The following CDKAL1 variants were observed in gnomAD, a reference collection of about 807,000 sequenced individuals.
CDKAL1 encodes threonylcarbamoyladenosine tRNA methylthiotransferase.
A neutral mutation model predicts 68.2 loss-of-function variants in CDKAL1; 32 were observed. The observed-to-expected ratio is 0.47, with a 90% CI of 0.35 to 0.63. The LOEUF (loss-of-function observed/expected upper bound fraction) is 0.63, where lower values mean the gene tolerates loss of function less well. Ranked by LOEUF, CDKAL1 falls within the 30% of genes least tolerant of loss-of-function variation. The pLI is 0.00. For missense variants in CDKAL1, 606 were observed against 696.7 expected, an observed-to-expected ratio of 0.87 and a Z score of 1.47; for synonymous variants, 234 against 244.3, an observed-to-expected ratio of 0.96 and a Z score of 0.39.
intron 10 of CDKAL1, among the ~76,000 whole-genome samples, chr6:20,956,922 A>T (rs574165435): frequency 6.8e-6 from 1 of 147,732 alleles, no homozygotes; most frequent in African/African-American, 2.5e-5. Flanking sequence ...GATGATTATG[A>T]TTTGCTATTT....
intron 10 of CDKAL1, among the ~76,000 whole-genome samples, chr6:20,960,834 T>G (rs1334803371): frequency 1.3e-5 from 2 of 152,370 alleles, no homozygotes; most frequent in South Asian, 4.1e-4. Flanking sequence ...GGATGCGTTA[T>G]GTTTATTTGC....
intron 8 of CDKAL1, chr6:20,799,671 A>G (rs1284468365): frequency 6.6e-6 from 1 of 152,152 alleles, no homozygotes; most frequent in Non-Finnish European, 1.5e-5. Context: ...TTGTATTGCT[A>G]CTGGAGGTAG....
At chr6:20,839,273 A>AT (rs1439710225) in intron 8 of CDKAL1, among the ~76,000 whole-genome samples, 1 of 152,124 alleles carries the variant, frequency 6.6e-6, no homozygotes, top group Non-Finnish European at 1.5e-5. Flanking sequence ...ATATAATGAG[A>AT]TTTTTATGAA....
chr6:20,994,550 C>G (rs1436878402), intron 10 of CDKAL1, among the ~76,000 whole-genome samples: 1 of 152,112 alleles, frequency 6.6e-6, no homozygotes. Context: ...AAATATAATC[C>G]ATGATGGGGC....
chr6:20,938,526 A>G (rs916222236), intron 9 of CDKAL1, among the ~76,000 whole-genome samples: 1 of 152,178 alleles, frequency 6.6e-6, no homozygotes, highest in African/African-American at 2.4e-5. Flanking sequence ...TGGTCTTCAA[A>G]TGATTCTCTA....
At chr6:20,683,426 G>A (rs1347225865) in intron 5 of CDKAL1, among the ~76,000 whole-genome samples, 1 of 152,158 alleles carries the variant, frequency 6.6e-6, no homozygotes, top group Non-Finnish European at 1.5e-5. Flanking sequence ...TGGTTTAAAA[G>A]TCTTGGCTTT....
At chr6:20,742,377 T>TAACTG (rs1773496289) in intron 6 of CDKAL1, among the ~76,000 whole-genome samples, 1 of 3,918 alleles carries the variant, frequency 2.6e-4, no homozygotes, top group African/African-American at 1.1e-3. Context: ...ATTGGAGAAA[T>TAACTG]AAGAACACAT....
chr6:21,209,324 C>T (rs1425053502), intron 15 of CDKAL1, among the ~76,000 whole-genome samples: 2 of 152,170 alleles, frequency 1.3e-5, no homozygotes, highest in African/African-American at 2.4e-5. Context: ...GGGACAAAGA[C>T]GTGGACCGAC....
Position 21,079,976 on chromosome 6 carries a change from C to CTCTGTGTGTGTGTGTGTGTGTGTGTG in CDKAL1, c.1236+14749_1236+14750insCTGTGTGTGTGTGTGTGTGTGTGTGT, listed in dbSNP as rs1554171489. ...TAAGATAAGCTTATCAACTTTGTCT[C>CTCTGTGTGTGTGTGTGTGTGTGTGTG]TGTGTGTGTGTGTGTGTGTGTGTGT... is the stretch of plus-strand genomic sequence containing the variant. On this transcript the variant is annotated intron_variant, in intron 12 of 15. Transcript: ENST00000274695. Among the ~76,000 whole-genome samples the CTCTGTGTGTGTGTGTGTGTGTGTGTG allele has an allele frequency of 4.4e-4, 60 of 135,840 alleles. 1 individual carries two copies. The highest frequency in any genetic ancestry group is 1.6e-3 in the African/African-American group (56 of 36,074). 89.1% of individuals were successfully genotyped at this position (135,840 alleles called of 152,430 possible).
At chr6:21,143,590 G>A (rs1657850888) in intron 13 of CDKAL1, among the ~76,000 whole-genome samples, 3 of 152,230 alleles carry the variant, frequency 2.0e-5, no homozygotes, top group African/African-American at 7.2e-5. Context: ...TTTAGGTGGT[G>A]CCTTGCCTGT....
At chr6:20,944,592 G>A (rs1581885160) in intron 9 of CDKAL1, among the ~76,000 whole-genome samples, 1 of 152,134 alleles carries the variant, frequency 6.6e-6, no homozygotes, top group African/African-American at 2.4e-5. Flanking sequence ...TGATCCACCC[G>A]CCACAGCCTC....
At chr6:20,831,187 G>T (rs1332723943) in intron 8 of CDKAL1, among the ~76,000 whole-genome samples, 1 of 152,076 alleles carries the variant, frequency 6.6e-6, no homozygotes, top group Non-Finnish European at 1.5e-5. Context: ...CGAGAAGTGT[G>T]TTTATTCCAG....
chr6:20,939,149 G>A (rs4712569), intron 9 of CDKAL1, among the ~76,000 whole-genome samples: 123,354 of 152,116 alleles, frequency 0.81, 50,501 homozygotes, highest in East Asian at 0.99. Flanking sequence ...TGTAGCTTTC[G>A]TTCTATTTGG....
intron 13 of CDKAL1, among the ~76,000 whole-genome samples, chr6:21,157,191 T>G (rs1291519302): frequency 6.6e-6 from 1 of 152,234 alleles, no homozygotes; most frequent in Admixed American, 6.5e-5. Context: ...AGTGTTAGAA[T>G]GATGCTGATA....
intron 7 of CDKAL1, among the ~76,000 whole-genome samples, chr6:20,771,987 A>G (rs1467427394): frequency 3.3e-5 from 5 of 152,184 alleles, no homozygotes; most frequent in South Asian, 2.1e-4. Flanking sequence ...AAAATGGCCT[A>G]TATTCAGTGG....
Position 20,901,681 on chromosome 6 carries a change from GAAAAA to G in CDKAL1, c.743-53720_743-53716del, listed in dbSNP as rs77788195. Among the ~76,000 whole-genome samples, 3 of 86,354 alleles carry G rather than the reference GAAAAA, an allele frequency of 3.5e-5. 1 individual carries two copies. The highest frequency in any genetic ancestry group is 8.7e-5 in the African/African-American group (2 of 22,936). The allele number at this position is 86,354 out of a possible 152,430, so 56.7% of individuals were successfully genotyped here. A position where few individuals can be genotyped will look rare whatever the true frequency, so the allele number is the denominator to read the frequency against. ...GGGCAAGAGTGCGAGACTCCATCTG[GAAAAA>G]AAAAAAAAAAAAAAAAAGAAAAGAA... On this transcript the variant is annotated intron_variant, in intron 9 of 15. Transcript: ENST00000274695.
chr6:20,540,232 C>T (rs1041359864), intron 2 of CDKAL1, among the ~76,000 whole-genome samples: 2 of 151,654 alleles, frequency 1.3e-5, no homozygotes, highest in Non-Finnish European at 2.9e-5. Context: ...CGCCACTATG[C>T]CTGGCTAATT....
intron 5 of CDKAL1, among the ~76,000 whole-genome samples, chr6:20,726,922 A>G (rs186553657): frequency 1.3e-5 from 2 of 152,340 alleles, no homozygotes; most frequent in East Asian, 3.9e-4. Flanking sequence ...AAAGGTGAAC[A>G]AAAGCACACA....
chr6:21,087,800 A>G (rs1465654002), intron 12 of CDKAL1, among the ~76,000 whole-genome samples: 1 of 151,210 alleles, frequency 6.6e-6, no homozygotes, highest in African/African-American at 2.4e-5. Context: ...GCATGCGTGC[A>G]CACACACACA....
Sources: allele counts gnomAD v4.1 joint callset (sites outside exome capture counted in the v4.1 genomes callset), GRCh38; gene constraint gnomAD v4.1.1; transcripts MANE v1.5; gene names NCBI Gene and HGNC (gene_info 2026-07-23, HGNC 2026-07-21).